Variants in PITPNB observed in about 807,000 individuals in gnomAD.
The protein encoded by PITPNB is phosphatidylinositol transfer protein beta isoform.
In PITPNB, 16 loss-of-function variants were observed where a neutral mutation model predicts 45.9. The ratio of observed to expected loss-of-function variants is 0.35; its 90% CI spans 0.24 to 0.53. The LOEUF is 0.53. PITPNB is among the 20% of genes least tolerant of loss of function. The probability of loss-of-function intolerance (pLI) is 0.93; values close to 1 mark genes in which losing one functional copy is unlikely to be tolerated. For missense variants in PITPNB, 188 were observed against 330.5 expected, an observed-to-expected ratio of 0.57 and a Z score of 3.34; for synonymous variants, 112 against 108.9, an observed-to-expected ratio of 1.03 and a Z score of -0.18.
intron 7 of PITPNB, among the ~76,000 whole-genome samples, chr22:27,890,719 C>T (rs1214875232): frequency 2.6e-5 from 4 of 152,162 alleles, no homozygotes; most frequent in Non-Finnish European, 5.9e-5. Context: ...GAGGCTGAGG[C>T]AGGAGAATGG....
At chr22:27,882,618 T>C (rs1935004846) in intron 7 of PITPNB, among the ~76,000 whole-genome samples, 1 of 152,230 alleles carries the variant, frequency 6.6e-6, no homozygotes, top group Admixed American at 6.5e-5. Flanking sequence ...CCCATTATAG[T>C]CCTTTGACAA....
At chr22:27,859,545 C>G (rs555104620) in intron 9 of PITPNB, among the ~76,000 whole-genome samples, 1 of 152,084 alleles carries the variant, frequency 6.6e-6, no homozygotes, top group Non-Finnish European at 1.5e-5. Flanking sequence ...TCCAATTCTC[C>G]CCTCCTCCTA....
At position 27,860,119 on chromosome 22, in the gene PITPNB, A is replaced by T; in HGVS notation, c.645+12T>A. On this transcript the variant is annotated intron_variant, in intron 9 of 11. Transcript: ENST00000335272. ...CCTAAATCTAAGTCACCACATTTTGAGCAGATTTTACCTTTTGAATGAAGT... is the reference window on the plus strand; with the variant it reads ...CCTAAATCTAAGTCACCACATTTTGTGCAGATTTTACCTTTTGAATGAAGT... 1 of 1,487,900 alleles carries T rather than the reference A, an allele frequency of 6.7e-7. No homozygotes were observed. The highest frequency in any genetic ancestry group is 1.1e-5 in the South Asian group (1 of 88,398). 92.2% of individuals were successfully genotyped at this position (1,487,900 alleles called of 1,614,324 possible).
chr22:27,912,428 C>T (rs1350173161), intron 2 of PITPNB, among the ~76,000 whole-genome samples: 1 of 152,140 alleles, frequency 6.6e-6, no homozygotes, highest in Non-Finnish European at 1.5e-5. Context: ...AATAATGCCA[C>T]AATCCTTAAA....
chr22:27,894,837 A>C (rs556647336), intron 6 of PITPNB, among the ~76,000 whole-genome samples, 199 bp from the exon 7 acceptor site: 56 of 152,342 alleles, frequency 3.7e-4, no homozygotes, highest in African/African-American at 1.2e-3. Flanking sequence ...CCAAATAATA[A>C]GGAAGGAGAG....
At chr22:27,854,962 A>G in intron 10 of PITPNB, 23 bp from the exon 11 acceptor site, 1 of 1,573,676 alleles carries the variant, frequency 6.4e-7, no homozygotes, top group Non-Finnish European at 8.7e-7. Context: ...TAAAATTGTG[A>G]GCTGCTGAAA....
chr22:27,862,441 G>A (rs962386539), intron 8 of PITPNB, among the ~76,000 whole-genome samples: 1 of 152,254 alleles, frequency 6.6e-6, no homozygotes, highest in Non-Finnish European at 1.5e-5. Context: ...TATTTGTTCT[G>A]TAGTAACATT....
At chr22:27,881,166 G>A (rs1330557218) in intron 7 of PITPNB, among the ~76,000 whole-genome samples, 3 of 152,164 alleles carry the variant, frequency 2.0e-5, no homozygotes, top group Non-Finnish European at 4.4e-5. Context: ...GAAGATGGGG[G>A]AAAAATCTCT....
At chr22:27,896,805 C>T in intron 5 of PITPNB, 179 bp from the exon 6 acceptor site, 3 of 610,456 alleles carry the variant, frequency 4.9e-6, no homozygotes, top group Non-Finnish European at 8.8e-6. Context: ...AAACCAAATG[C>T]TACATGCTTT....
At chr22:27,868,923 G>A (rs941480077) in intron 8 of PITPNB, among the ~76,000 whole-genome samples, 46 of 152,154 alleles carry the variant, frequency 3.0e-4, no homozygotes, top group Admixed American at 2.4e-3. Context: ...TCTTCAAGAG[G>A]TGTCTGGCTT....
intron 9 of PITPNB, among the ~76,000 whole-genome samples, 167 bp downstream of exon 9, chr22:27,859,964 G>C (rs751278944): frequency 6.6e-5 from 10 of 152,184 alleles, no homozygotes; most frequent in Non-Finnish European, 1.3e-4. Context: ...GCTGCCATCT[G>C]TCTTTGCTGC....
intron 2 of PITPNB, among the ~76,000 whole-genome samples, chr22:27,913,542 C>T (rs938814543): frequency 1.3e-5 from 2 of 152,186 alleles, no homozygotes; most frequent in African/African-American, 4.8e-5. Context: ...GCTATAACTG[C>T]AGGACATGCA....
intron 7 of PITPNB, among the ~76,000 whole-genome samples, chr22:27,884,782 C>T (rs768125823): frequency 1.3e-5 from 2 of 152,078 alleles, no homozygotes; most frequent in Non-Finnish European, 2.9e-5. Context: ...CAATTTAATG[C>T]TTTTATATCA....
chr22:27,919,057 G>A, intron 1 of PITPNB, 115 bp downstream of exon 1: 2 of 1,536,286 alleles, frequency 1.3e-6, no homozygotes, highest in Non-Finnish European at 1.8e-6. Context: ...GGCGCCCGCA[G>A]GGAGGGGCTG....
At chr22:27,862,951 A>G (rs1390267668) in intron 8 of PITPNB, among the ~76,000 whole-genome samples, 1 of 152,220 alleles carries the variant, frequency 6.6e-6, no homozygotes, top group East Asian at 1.9e-4. Flanking sequence ...GAAGCAGTCA[A>G]CAAGCCTTCC....
chr22:27,903,770 T>C (rs1353837752), intron 3 of PITPNB, among the ~76,000 whole-genome samples: 2 of 124,382 alleles, frequency 1.6e-5, no homozygotes, highest in African/African-American at 3.2e-5. Context: ...AGTGAGACCC[T>C]GTCTCCCAAA....
intron 7 of PITPNB, among the ~76,000 whole-genome samples, chr22:27,874,418 C>T (rs1601392250): frequency 6.6e-6 from 1 of 152,252 alleles, no homozygotes; most frequent in East Asian, 1.9e-4. Flanking sequence ...CACGTCATCC[C>T]CTCACTGTCA....
chr22:27,876,017 A>G (rs1045253909), intron 7 of PITPNB, among the ~76,000 whole-genome samples: 4 of 152,218 alleles, frequency 2.6e-5, no homozygotes, highest in African/African-American at 4.8e-5. Context: ...AATGTGAACT[A>G]TGGATTCACA....
intron 7 of PITPNB, among the ~76,000 whole-genome samples, chr22:27,890,800 C>T (rs1453525820): frequency 3.3e-5 from 5 of 152,176 alleles, no homozygotes; most frequent in South Asian, 2.1e-4. Flanking sequence ...GGCGACAGAG[C>T]GAGACTCTGT....
Sources: gnomAD v4.1 joint callset for allele counts (sites outside exome capture counted in the v4.1 genomes callset) on GRCh38, gnomAD v4.1.1 for gene constraint, MANE v1.5 for transcripts, NCBI Gene and HGNC (gene_info 2026-07-23, HGNC 2026-07-21) for gene names.